CALN1: variants seen among roughly 807,000 people sequenced by gnomAD.
CALN1 encodes calcium-binding protein 8.
Under a neutral mutation model 30.6 loss-of-function variants are expected in CALN1, and 17 were observed. The observed-to-expected ratio is 0.56, with a 90% CI of 0.38 to 0.83. CALN1 has a LOEUF of 0.83. Among genes scored for constraint, CALN1 ranks in the 40% least tolerant of loss-of-function variants. The pLI is 0.00. For missense variants in CALN1, 291 were observed against 354.9 expected (o/e 0.82, Z 1.45); for synonymous variants, 156 against 131.4 (o/e 1.19, Z -1.28).
chr7:72,468,158 T>G, the CALN1 span, among the ~76,000 whole-genome samples: 19,388 of 152,202 alleles, frequency 0.13, 2,513 homozygotes, highest in African/African-American at 0.33. Context: ...TGTTGGACAT[T>G]TGGGTTACGT....
chr7:72,224,002 G>A (rs759654948), intron 3 of CALN1, among the ~76,000 whole-genome samples: 1 of 152,114 alleles, frequency 6.6e-6, no homozygotes, highest in South Asian at 2.1e-4. Context: ...CTACTAGAGG[G>A]AGGATGTAGG....
chr7:71,808,911 C>A (rs922263462), intron 6 of CALN1, among the ~76,000 whole-genome samples: 28 of 152,116 alleles, frequency 1.8e-4, no homozygotes, highest in African/African-American at 6.8e-4. Context: ...TCGCTCCTCA[C>A]CCCTCCTCAC....
intron 3 of CALN1, among the ~76,000 whole-genome samples, chr7:72,276,671 G>A (rs1797351932): frequency 6.6e-6 from 1 of 152,056 alleles, no homozygotes; most frequent in Non-Finnish European, 1.5e-5. Flanking sequence ...TTATAAAAGT[G>A]AGTTTAGCCC....
At chr7:72,433,357 C>G (rs1245446789) in intron 1 of CALN1, among the ~76,000 whole-genome samples, 1 of 152,088 alleles carries the variant, frequency 6.6e-6, no homozygotes, top group Non-Finnish European at 1.5e-5. Flanking sequence ...GCTATATAAA[C>G]AGGAACAAAA....
intron 2 of CALN1, among the ~76,000 whole-genome samples, chr7:72,347,990 G>C (rs1298485194): frequency 6.6e-6 from 1 of 152,096 alleles, no homozygotes; most frequent in African/African-American, 2.4e-5. Flanking sequence ...AATTATCCAG[G>C]CATGGTAGCA....
intron 5 of CALN1, among the ~76,000 whole-genome samples, chr7:71,882,238 C>T (rs1792615042): frequency 6.6e-6 from 1 of 152,184 alleles, no homozygotes; most frequent in Admixed American, 6.5e-5. Context: ...AGCAGTGTTG[C>T]ATCTCCTGTT....
chr7:72,336,754 A>T (rs954180909), intron 2 of CALN1: 86 of 985,044 alleles, frequency 8.7e-5, no homozygotes, highest in Non-Finnish European at 1.0e-4. Context: ...GCCTCCGCAC[A>T]GCGCGGGGGG....
chr7:72,392,412 A>G (rs1805632494), intron 2 of CALN1, among the ~76,000 whole-genome samples: 1 of 152,342 alleles, frequency 6.6e-6, no homozygotes, highest in African/African-American at 2.4e-5. Flanking sequence ...AAGTTCAGGA[A>G]GAGGCTCCTG....
chr7:71,937,620 A>G (rs1795913145), intron 5 of CALN1, among the ~76,000 whole-genome samples: 1 of 152,234 alleles, frequency 6.6e-6, no homozygotes, highest in Middle Eastern at 3.4e-3. Flanking sequence ...TTAGGGCTAC[A>G]AGTGTGTACC....
At chr7:72,170,272 C>A (rs973238197) in intron 3 of CALN1, among the ~76,000 whole-genome samples, 1 of 152,172 alleles carries the variant, frequency 6.6e-6, no homozygotes, top group African/African-American at 2.4e-5. Flanking sequence ...TGCCATCGTG[C>A]CTGGCTACCT....
intron 1 of CALN1, among the ~76,000 whole-genome samples, chr7:72,411,480 T>G (rs1199293775): frequency 2.0e-5 from 3 of 152,128 alleles, no homozygotes; most frequent in African/African-American, 4.8e-5. Context: ...AATAAAAATA[T>G]CACTGTGAAC....
chr7:71,993,025 AGAACCATTGGAGAAGAAAGG>A (rs1219047689), intron 5 of CALN1, among the ~76,000 whole-genome samples: 17 of 119,890 alleles, frequency 1.4e-4, no homozygotes, highest in African/African-American at 7.9e-4. Flanking sequence ...GAGAAGAAAG[AGAACCATTGGAGAAGAAAGG>A]CTTTTTTTTG....
At chr7:72,453,835 A>G in the CALN1 span, among the ~76,000 whole-genome samples, 1 of 152,180 alleles carries the variant, frequency 6.6e-6, no homozygotes, top group African/African-American at 2.4e-5. Context: ...CATGAAAGGA[A>G]TTATAAGAGA....
At chr7:72,340,534 C>A (rs1482865760) in intron 2 of CALN1, among the ~76,000 whole-genome samples, 1 of 152,206 alleles carries the variant, frequency 6.6e-6, no homozygotes, top group Admixed American at 6.5e-5. Context: ...CCTGATTCCT[C>A]TTGGTTGGTG....
intron 3 of CALN1, among the ~76,000 whole-genome samples, chr7:72,156,481 A>G (rs1454952643): frequency 6.6e-6 from 1 of 152,162 alleles, no homozygotes; most frequent in South Asian, 2.1e-4. Flanking sequence ...GACCCAAGCC[A>G]CAAAGCCTGA....
chr7:72,182,333 G>A (rs918051954), intron 3 of CALN1, among the ~76,000 whole-genome samples: 7 of 152,148 alleles, frequency 4.6e-5, no homozygotes, highest in African/African-American at 1.7e-4. Flanking sequence ...ACAGTGGGAT[G>A]TGTTCTCACA....
At chr7:71,967,042 C>T (rs980849501) in intron 5 of CALN1, among the ~76,000 whole-genome samples, 34 of 152,110 alleles carry the variant, frequency 2.2e-4, no homozygotes, top group Non-Finnish European at 1.2e-4. Flanking sequence ...GTTTAGGAAA[C>T]ATATCTTTGA....
At position 72,031,349 on chromosome 7, in the gene CALN1, T is replaced by C. The variant is rs907401492; in HGVS notation, c.389-7580A>G. 3.9e-5 allele frequency among the ~76,000 whole-genome samples: 6 copies of C among 152,162 alleles called. No homozygotes were observed. The East Asian group carries it at 1.2e-3, about 29-fold the overall frequency. ...CATCATTTCAGAGAGTAATAATAAA[T>C]AATAGGAACTACTTATTTAACACTT... is the stretch of plus-strand genomic sequence containing the variant. On this transcript the variant is annotated intron_variant, in intron 4 of 6. Transcript: ENST00000395275.
At chr7:71,954,076 C>G (rs1344894879) in intron 5 of CALN1, among the ~76,000 whole-genome samples, 3 of 152,216 alleles carry the variant, frequency 2.0e-5, no homozygotes, top group African/African-American at 7.2e-5. Flanking sequence ...GTAATCCCAG[C>G]ACTTTGGGAG....
Sources: gnomAD v4.1 joint callset for allele counts (sites outside exome capture counted in the v4.1 genomes callset) on GRCh38, gnomAD v4.1.1 for gene constraint, MANE v1.5 for transcripts, NCBI Gene and HGNC (gene_info 2026-07-23, HGNC 2026-07-21) for gene names.